Variants in RNF121 observed in about 807,000 individuals in gnomAD.
The protein encoded by RNF121 is ring finger protein 121.
A neutral mutation model predicts 46.5 loss-of-function variants in RNF121; 21 were observed. The observed-to-expected ratio is 0.45, with a 90% CI of 0.32 to 0.65. The LOEUF is 0.65. RNF121 is among the 30% of genes least tolerant of loss of function. The probability of loss-of-function intolerance (pLI) is 0.04; values close to 1 mark genes in which losing one functional copy is unlikely to be tolerated. For synonymous variants in RNF121, 139 were observed against 144.7 expected (o/e 0.96, Z 0.28); for missense variants, 346 against 416.0 (o/e 0.83, Z 1.46).
chr11:71,972,525 G>C (rs1036449694), intron 3 of RNF121, among the ~76,000 whole-genome samples: 1 of 152,072 alleles, frequency 6.6e-6, no homozygotes. Context: ...AAAAACACTA[G>C]CTCTGTTCTC....
intron 3 of RNF121, among the ~76,000 whole-genome samples, chr11:71,979,749 G>A (rs2134201915): frequency 6.6e-6 from 1 of 152,326 alleles, no homozygotes; most frequent in Non-Finnish European, 1.5e-5. Context: ...TGGGAAAGAG[G>A]ATCTTAGCGC....
chr11:71,956,459 C>T (rs934127908), intron 1 of RNF121, among the ~76,000 whole-genome samples: 2 of 152,158 alleles, frequency 1.3e-5, no homozygotes, highest in African/African-American at 4.8e-5. Flanking sequence ...GGGAATGAAC[C>T]ACCCTAAAAT....
chr11:71,937,946 A>T (rs959493490), intron 1 of RNF121, among the ~76,000 whole-genome samples: 2 of 152,234 alleles, frequency 1.3e-5, no homozygotes, highest in East Asian at 3.8e-4. Flanking sequence ...AAATAAACTC[A>T]TAAGTTCCCT....
chr11:71,981,119 G>A (rs1481139345), intron 3 of RNF121, among the ~76,000 whole-genome samples: 2 of 151,754 alleles, frequency 1.3e-5, no homozygotes, highest in Admixed American at 1.3e-4. Flanking sequence ...TGTGATCTCG[G>A]CTCCCTGCAA....
intron 3 of RNF121, among the ~76,000 whole-genome samples, chr11:71,968,276 T>C (rs1030505033): frequency 6.6e-6 from 1 of 152,164 alleles, no homozygotes; most frequent in African/African-American, 2.4e-5. Flanking sequence ...GCCAGGCTGA[T>C]CTCGAACTCT....
intron 1 of RNF121, among the ~76,000 whole-genome samples, chr11:71,950,714 G>T (rs568664034): frequency 6.6e-6 from 1 of 151,732 alleles, no homozygotes; most frequent in Admixed American, 6.6e-5. Flanking sequence ...GTGCAGTGGC[G>T]CGGTCTTGGC....
At chr11:71,954,998 A>G (rs1953958717) in intron 1 of RNF121, among the ~76,000 whole-genome samples, 1 of 152,222 alleles carries the variant, frequency 6.6e-6, no homozygotes, top group African/African-American at 2.4e-5. Flanking sequence ...CTTGAAAGAC[A>G]TAAATCACTA....
At chr11:71,950,264 T>C (rs1029544939) in intron 1 of RNF121, among the ~76,000 whole-genome samples, 1 of 151,862 alleles carries the variant, frequency 6.6e-6, no homozygotes, top group Non-Finnish European at 1.5e-5. Context: ...ATTTTTGATG[T>C]ATGCATATGG....
chr11:71,977,086 A>G (rs1408336032), intron 3 of RNF121, among the ~76,000 whole-genome samples: 4 of 152,030 alleles, frequency 2.6e-5, no homozygotes, highest in African/African-American at 7.2e-5. Context: ...ACTGCAGTCT[A>G]TTTCTCAGCC....
At chr11:71,937,649 A>G (rs917594929) in intron 1 of RNF121, among the ~76,000 whole-genome samples, 2 of 152,108 alleles carry the variant, frequency 1.3e-5, no homozygotes, top group African/African-American at 4.8e-5. Flanking sequence ...TTCAGATTGG[A>G]TTAGATTCTT....
chr11:71,973,964 C>T (rs754080913), intron 3 of RNF121, among the ~76,000 whole-genome samples: 4 of 152,102 alleles, frequency 2.6e-5, no homozygotes, highest in African/African-American at 4.8e-5. Flanking sequence ...GTTTTTGAGA[C>T]GGAGTCTTGC....
At chr11:71,965,018 A>T (rs1954241163) in intron 3 of RNF121, among the ~76,000 whole-genome samples, 1 of 152,218 alleles carries the variant, frequency 6.6e-6, no homozygotes, top group African/African-American at 2.4e-5. Context: ...TTTATTTGTT[A>T]TAAAAAAATT....
chr11:71,965,786 T>C (rs1954262784), intron 3 of RNF121, among the ~76,000 whole-genome samples: 1 of 152,148 alleles, frequency 6.6e-6, no homozygotes, highest in Non-Finnish European at 1.5e-5. Flanking sequence ...TCCAAGAAAG[T>C]TATAGCTATT....
intron 2 of RNF121, among the ~76,000 whole-genome samples, chr11:71,960,391 G>A (rs766352565): frequency 6.6e-6 from 1 of 152,130 alleles, no homozygotes; most frequent in African/African-American, 2.4e-5. Flanking sequence ...TTACTTTCTC[G>A]TTCCAGCATC....
At chr11:71,971,470 TTTCTG>T (rs1954418671) in intron 3 of RNF121, among the ~76,000 whole-genome samples, 1 of 152,214 alleles carries the variant, frequency 6.6e-6, no homozygotes, top group African/African-American at 2.4e-5. Context: ...AAATTAAGGA[TTTCTG>T]TTCTGTTAAA....
At chr11:71,938,427 C>A (rs1468039847) in intron 1 of RNF121, among the ~76,000 whole-genome samples, 2 of 142,856 alleles carry the variant, frequency 1.4e-5, no homozygotes, top group Admixed American at 7.5e-5. Flanking sequence ...TCAAGCGATT[C>A]TTCTGCCTCA....
Position 71,964,142 on chromosome 11 carries a change from A to C in RNF121, c.243+3251A>C, listed in dbSNP as rs140564269. Reference sequence around the variant, plus strand: ...AACAATATTAATCTTCCAGTACCTGAACACAGGATATCTTTTCATTTATTT... The same window carrying C: ...AACAATATTAATCTTCCAGTACCTGCACACAGGATATCTTTTCATTTATTT... On this transcript the variant is annotated intron_variant, in intron 3 of 8. Coordinates refer to ENST00000361756, the MANE Select transcript of RNF121 (RefSeq NM_018320.5). Among the ~76,000 whole-genome samples, 202 of 152,320 alleles carry C rather than the reference A, an allele frequency of 1.3e-3. 1 individual carries two copies. The East Asian group carries it at 0.031, about 23-fold the overall frequency.
At chr11:71,951,237 T>C (rs1953871157) in intron 1 of RNF121, among the ~76,000 whole-genome samples, 1 of 147,756 alleles carries the variant, frequency 6.8e-6, no homozygotes, top group East Asian at 2.0e-4. Flanking sequence ...ATAATGAAAG[T>C]CGTCTAAGCC....
intron 3 of RNF121, among the ~76,000 whole-genome samples, chr11:71,970,571 A>C (rs954283227): frequency 2.2e-4 from 34 of 152,062 alleles, no homozygotes; most frequent in African/African-American, 8.2e-4. Flanking sequence ...CTGAGGCGGG[A>C]AGATTGCTTG....
Sources: allele counts gnomAD v4.1 joint callset (sites outside exome capture counted in the v4.1 genomes callset), GRCh38; gene constraint gnomAD v4.1.1; transcripts MANE v1.5; gene names NCBI Gene and HGNC (gene_info 2026-07-23, HGNC 2026-07-21).